The following CACHD1 variants were observed in gnomAD, a reference collection of about 807,000 sequenced individuals.
CACHD1 encodes the protein cache domain containing 1, also known as VWFA and cache domain-containing protein 1.
Under a neutral mutation model 138.7 loss-of-function variants are expected in CACHD1, and 71 were observed. That is an observed-to-expected ratio of 0.51 (90% confidence interval 0.42 to 0.62). CACHD1 has a LOEUF of 0.62. Ranked by LOEUF, CACHD1 falls within the 20% of genes least tolerant of loss-of-function variation. CACHD1 has a pLI of 0.00. For missense variants in CACHD1, 1,389 were observed against 1,625.3 expected (o/e 0.85, Z 2.50); for synonymous variants, 578 against 591.5 (o/e 0.98, Z 0.33).
intron 3 of CACHD1, among the ~76,000 whole-genome samples, chr1:64,593,869 G>A (rs937577729): frequency 6.6e-6 from 1 of 152,178 alleles, no homozygotes; most frequent in Admixed American, 6.5e-5. Context: ...TTTAAACAAT[G>A]TGTTACTTAC....
At chr1:64,626,679 G>A (rs1330847801) in intron 4 of CACHD1, among the ~76,000 whole-genome samples, 1 of 152,100 alleles carries the variant, frequency 6.6e-6, no homozygotes, top group Admixed American at 6.6e-5. Context: ...TGTTTTCAAG[G>A]TACATACCCA....
intron 1 of CACHD1, among the ~76,000 whole-genome samples, chr1:64,489,872 G>C (rs1380164150): frequency 6.6e-6 from 1 of 152,162 alleles, no homozygotes; most frequent in Non-Finnish European, 1.5e-5. Flanking sequence ...GAGGAAAAGG[G>C]GAAGTGTTAT....
At chr1:64,569,008 G>A (rs374339362) in intron 2 of CACHD1, among the ~76,000 whole-genome samples, 17 of 151,984 alleles carry the variant, frequency 1.1e-4, no homozygotes, top group Admixed American at 6.6e-4. Flanking sequence ...CACAACCTCC[G>A]CCTCCTGGAT....
intron 1 of CACHD1, among the ~76,000 whole-genome samples, chr1:64,546,744 G>A (rs1352492527): frequency 6.6e-6 from 1 of 152,104 alleles, no homozygotes; most frequent in Admixed American, 6.6e-5. Context: ...TTGGCTAGGT[G>A]TATCATTTTG....
chr1:64,587,281 T>C (rs1033920167), intron 3 of CACHD1, among the ~76,000 whole-genome samples: 2 of 152,236 alleles, frequency 1.3e-5, no homozygotes, highest in African/African-American at 4.8e-5. Context: ...CAGGCCTAAC[T>C]TTTCATTTTT....
chr1:64,585,269 G>C (rs1443570886), intron 3 of CACHD1, among the ~76,000 whole-genome samples: 5 of 152,262 alleles, frequency 3.3e-5, no homozygotes, highest in African/African-American at 1.2e-4. Context: ...ATTAAGTTTG[G>C]GAGTAAAGAC....
At chr1:64,570,464 C>A (rs1646918200) in intron 2 of CACHD1, among the ~76,000 whole-genome samples, 1 of 152,188 alleles carries the variant, frequency 6.6e-6, no homozygotes. Context: ...GGAAGTGTCA[C>A]TGTCACATCC....
At chr1:64,515,109 T>C (rs896970522) in intron 1 of CACHD1, among the ~76,000 whole-genome samples, 1 of 152,218 alleles carries the variant, frequency 6.6e-6, no homozygotes, top group Non-Finnish European at 1.5e-5. Context: ...TGTATATGCT[T>C]ATGGCATAGA....
chr1:64,641,389 A>G lies in CACHD1; in HGVS notation c.1007-431A>G, dbSNP rs146817978. On this transcript the variant is annotated intron_variant, in intron 7 of 26. Coordinates refer to ENST00000651257, the MANE Select transcript of CACHD1 (RefSeq NM_020925.4). ...ACATTATGTGCCTGAAGAGCCCGAAAGAGTCATCATTTTAAAGCCTGGTCC... is the reference window on the plus strand; with the variant it reads ...ACATTATGTGCCTGAAGAGCCCGAAGGAGTCATCATTTTAAAGCCTGGTCC... Among the ~76,000 whole-genome samples, 70 of 152,308 alleles carry G rather than the reference A, an allele frequency of 4.6e-4. 1 individual carries two copies. In the East Asian group the frequency reaches 0.012, roughly 27 times the overall value.
intron 1 of CACHD1, among the ~76,000 whole-genome samples, chr1:64,492,221 T>C (rs931846355): frequency 4.0e-5 from 6 of 150,242 alleles, no homozygotes; most frequent in Non-Finnish European, 8.9e-5. Context: ...GAAGAAATTA[T>C]TCTATACCTG....
Position 64,544,630 on chromosome 1 carries a change from CT to C in CACHD1, c.199-5952del, listed in dbSNP as rs34385450. ...CACACACACACACCAAGATGTTTGT[CT>C]TTTTTTTTTTTCTTCCCCTTGGAGT... On this transcript the variant is annotated intron_variant, in intron 1 of 26. Transcript: ENST00000651257. 2.2e-3 allele frequency among the ~76,000 whole-genome samples: 316 copies of C among 146,276 alleles called. 1 individual carries two copies. The highest frequency in any genetic ancestry group is 6.8e-3 in the African/African-American group (269 of 39,774).
At chr1:64,520,012 ACT>A (rs899891543) in intron 1 of CACHD1, among the ~76,000 whole-genome samples, 7 of 152,000 alleles carry the variant, frequency 4.6e-5, no homozygotes, top group Admixed American at 2.0e-4. Context: ...CTGCAACATT[ACT>A]CTCTATGCTT....
intron 1 of CACHD1, among the ~76,000 whole-genome samples, chr1:64,535,359 C>G (rs1401685151): frequency 7.1e-6 from 1 of 141,264 alleles, no homozygotes; most frequent in Non-Finnish European, 1.5e-5. Flanking sequence ...GAGTTTTGCT[C>G]TTGTTGCCCG....
intron 3 of CACHD1, among the ~76,000 whole-genome samples, chr1:64,592,876 C>T (rs758296618): frequency 3.3e-5 from 5 of 152,082 alleles, no homozygotes; most frequent in Non-Finnish European, 7.4e-5. Context: ...CAAAGACGTC[C>T]AGGGGCTGGT....
chr1:64,691,864 G>A lies in CACHD1; in HGVS notation c.*303G>A. On this transcript the variant is annotated 3_prime_UTR_variant, in exon 27 of 27. Coordinates refer to ENST00000651257, the MANE Select transcript of CACHD1 (RefSeq NM_020925.4). ...ACCTCCAAACACAGAGACGGAACCT[G>A]CAAGTGAAGCTGAGCCAGAGGAATG... The A allele has an allele frequency of 2.8e-6, 1 of 355,494 alleles. No individual in the cohort carries two copies. Among genetic ancestry groups the A allele is most frequent in the Non-Finnish European group, 5.3e-6 (1 of 189,728 alleles). The allele number at this position is 355,494 out of a possible 1,614,324, so 22.0% of individuals were successfully genotyped here. A position where few individuals can be genotyped will look rare whatever the true frequency, so the allele number is the denominator to read the frequency against.
At chr1:64,507,135 G>A (rs1188858032) in intron 1 of CACHD1, among the ~76,000 whole-genome samples, 1 of 152,210 alleles carries the variant, frequency 6.6e-6, no homozygotes, top group Non-Finnish European at 1.5e-5. Context: ...TGCTTTGAAG[G>A]TTGTTCTTGA....
At chr1:64,676,836 G>A in intron 21 of CACHD1, 59 bp from the exon 22 acceptor site, 1 of 1,356,496 alleles carries the variant, frequency 7.4e-7, no homozygotes, top group Non-Finnish European at 1.0e-6. Flanking sequence ...AGGACCAGGA[G>A]CATGAGTTTG....
intron 1 of CACHD1, among the ~76,000 whole-genome samples, chr1:64,476,301 C>T (rs1646174423): frequency 6.6e-6 from 1 of 152,178 alleles, no homozygotes; most frequent in African/African-American, 2.4e-5. Context: ...TATCCTAGAG[C>T]TTCTGTGGTT....
In CACHD1 at chr1:64,577,793, A is replaced by G. The variant is rs565671297; in HGVS notation, c.262-4363A>G. On this transcript the variant is annotated intron_variant, in intron 2 of 26. Coordinates refer to ENST00000651257, the MANE Select transcript of CACHD1 (RefSeq NM_020925.4). ...TTTCTGACTGACAGCTGTGAATCCA[A>G]GTAGACAGAGCATGGATTTGACACC... Among the ~76,000 whole-genome samples, 6 of 152,318 alleles carry G rather than the reference A, an allele frequency of 3.9e-5. No homozygotes were observed. In the East Asian group the frequency reaches 9.6e-4, roughly 24 times the overall value.
Sources: allele counts gnomAD v4.1 joint callset (sites outside exome capture counted in the v4.1 genomes callset), GRCh38; gene constraint gnomAD v4.1.1; transcripts MANE v1.5; gene names NCBI Gene and HGNC (gene_info 2026-07-23, HGNC 2026-07-21).